Variants in ASIC2 observed in about 807,000 individuals in gnomAD.
The protein encoded by ASIC2 is acid-sensing ion channel 2.
In ASIC2, 25 loss-of-function variants were observed where a neutral mutation model predicts 57.3. That is an observed-to-expected ratio of 0.44 (90% CI 0.32 to 0.61). ASIC2 has a LOEUF of 0.61. Ranked by LOEUF, ASIC2 falls within the 20% of genes least tolerant of loss-of-function variation. ASIC2 has a pLI of 0.06. For missense variants in ASIC2, 641 were observed against 738.1 expected (o/e 0.87, Z 1.52); for synonymous variants, 319 against 307.5 (o/e 1.04, Z -0.39).
intron 1 of ASIC2, among the ~76,000 whole-genome samples, chr17:33,789,583 A>G (rs1342250122): frequency 6.6e-6 from 1 of 151,930 alleles, no homozygotes; most frequent in Non-Finnish European, 1.5e-5. Context: ...CCTAGCACTG[A>G]TGTTGTATAT....
At chr17:33,595,379 G>A (rs1904950088) in intron 1 of ASIC2, among the ~76,000 whole-genome samples, 1 of 152,244 alleles carries the variant, frequency 6.6e-6, no homozygotes, top group South Asian at 2.1e-4. Context: ...AGAGCAACAA[G>A]ATCTCAGGAG....
intron 1 of ASIC2, among the ~76,000 whole-genome samples, chr17:33,950,594 A>C (rs1428230465): frequency 1.3e-5 from 2 of 152,248 alleles, no homozygotes; most frequent in African/African-American, 4.8e-5. Context: ...GAAGCAAGCC[A>C]GGTCCACAGA....
intron 1 of ASIC2, among the ~76,000 whole-genome samples, chr17:34,085,471 T>C (rs998518608): frequency 3.9e-5 from 6 of 152,356 alleles, no homozygotes; most frequent in African/African-American, 1.4e-4. Flanking sequence ...TGCATCGATG[T>C]TCATCAAGGA....
At chr17:33,018,535 G>A (rs2091819579) in intron 7 of ASIC2, among the ~76,000 whole-genome samples, 1 of 152,248 alleles carries the variant, frequency 6.6e-6, no homozygotes. Context: ...TAGCAGGAGA[G>A]TCCATAGCTA....
intron 3 of ASIC2, among the ~76,000 whole-genome samples, chr17:33,072,373 C>A (rs567942044): frequency 6.6e-6 from 1 of 152,260 alleles, no homozygotes; most frequent in Non-Finnish European, 1.5e-5. Flanking sequence ...TGGCTGGAAG[C>A]AGAAGTCTCT....
At chr17:33,831,065 C>T (rs1482105920) in intron 1 of ASIC2, among the ~76,000 whole-genome samples, 1 of 113,724 alleles carries the variant, frequency 8.8e-6, no homozygotes, top group East Asian at 2.8e-4. Flanking sequence ...GCAGAGATTG[C>T]ACCACTGCAC....
chr17:33,947,590 G>A (rs761087766), intron 1 of ASIC2, among the ~76,000 whole-genome samples: 33 of 150,886 alleles, frequency 2.2e-4, no homozygotes, highest in Non-Finnish European at 3.5e-4. Context: ...AGGGACATTC[G>A]CATGCAAAAG....
intron 1 of ASIC2, among the ~76,000 whole-genome samples, chr17:33,211,981 T>C (rs1010980857): frequency 2.0e-5 from 3 of 152,160 alleles, no homozygotes; most frequent in South Asian, 2.1e-4. Flanking sequence ...AAGGGTGACT[T>C]CCATTTTACA....
chr17:33,169,839 C>T (rs545545739), intron 1 of ASIC2, among the ~76,000 whole-genome samples: 6 of 152,202 alleles, frequency 3.9e-5, no homozygotes, highest in African/African-American at 7.2e-5. Flanking sequence ...CTAGCCCTCA[C>T]GGCTACCTCT....
chr17:33,654,871 A>G (rs941937734), intron 1 of ASIC2, among the ~76,000 whole-genome samples: 2 of 152,214 alleles, frequency 1.3e-5, no homozygotes, highest in African/African-American at 2.4e-5. Context: ...GCTCATGCCT[A>G]TAAATCCTGG....
At chr17:33,022,413 T>A (rs2091840018) in intron 6 of ASIC2, among the ~76,000 whole-genome samples, 1 of 152,186 alleles carries the variant, frequency 6.6e-6, no homozygotes, top group African/African-American at 2.4e-5. Context: ...TCACACAGCA[T>A]TCGTCCTATT....
intron 1 of ASIC2, among the ~76,000 whole-genome samples, chr17:34,082,927 G>A (rs534545138): frequency 6.6e-6 from 1 of 152,248 alleles, no homozygotes; most frequent in East Asian, 1.9e-4. Flanking sequence ...GTTTTTGAAT[G>A]CAGGAGCATA....
At chr17:33,140,260 A>G (rs995756455) in intron 1 of ASIC2, among the ~76,000 whole-genome samples, 2 of 152,216 alleles carry the variant, frequency 1.3e-5, no homozygotes, top group East Asian at 1.9e-4. Context: ...GACCCACTGC[A>G]CATGCTCTGA....
At chr17:34,024,037 A>T (rs777870067) in intron 1 of ASIC2, among the ~76,000 whole-genome samples, 16 of 152,334 alleles carry the variant, frequency 1.1e-4, no homozygotes, top group East Asian at 1.9e-4. Context: ...TAATCAAGTC[A>T]TGGAGGCAGG....
At chr17:34,133,606 G>C (rs1336828253) in intron 1 of ASIC2, among the ~76,000 whole-genome samples, 1 of 152,246 alleles carries the variant, frequency 6.6e-6, no homozygotes, top group Non-Finnish European at 1.5e-5. Context: ...AGGAGCCTTC[G>C]TAGGGCCTGG....
At chr17:33,191,186 G>C (rs1024753723) in intron 1 of ASIC2, among the ~76,000 whole-genome samples, 2 of 152,002 alleles carry the variant, frequency 1.3e-5, no homozygotes, top group Non-Finnish European at 2.9e-5. Flanking sequence ...AACATGGAGA[G>C]GTCTAAAAAT....
At chr17:33,786,697 C>T (rs1000421557) in intron 1 of ASIC2, among the ~76,000 whole-genome samples, 3 of 152,176 alleles carry the variant, frequency 2.0e-5, no homozygotes, top group Non-Finnish European at 4.4e-5. Context: ...CTGGCCACCC[C>T]ATCATGTGTC....
At chr17:34,135,740 A>G (rs954654982) in intron 1 of ASIC2, among the ~76,000 whole-genome samples, 1 of 152,196 alleles carries the variant, frequency 6.6e-6, no homozygotes, top group Non-Finnish European at 1.5e-5. Context: ...ATATATGATT[A>G]AAAGGTGAAA....
chr17:33,689,016 T>C (rs1908282591), intron 1 of ASIC2: 1 of 152,188 alleles, frequency 6.6e-6, no homozygotes, highest in Non-Finnish European at 1.5e-5. Context: ...CTGCTTTCAC[T>C]CACCATCAAG....
Sources: allele counts gnomAD v4.1 joint callset (sites outside exome capture counted in the v4.1 genomes callset), GRCh38; gene constraint gnomAD v4.1.1; transcripts MANE v1.5; gene names NCBI Gene and HGNC (gene_info 2026-07-23, HGNC 2026-07-21).